The following NFATC4 variants were observed in gnomAD, a reference collection of about 807,000 sequenced individuals.
The protein encoded by NFATC4 is nuclear factor of activated T cells 4, also known as nuclear factor of activated T-cells, cytoplasmic 4.
In NFATC4, 25 loss-of-function variants were observed where a neutral mutation model predicts 73.4. That is an observed-to-expected ratio of 0.34 (90% CI 0.25 to 0.48). The LOEUF is 0.48. NFATC4 is among the 20% of genes least tolerant of loss of function. The probability of loss-of-function intolerance (pLI) is 0.99; values close to 1 mark genes in which losing one functional copy is unlikely to be tolerated. For missense variants in NFATC4, 1,130 were observed against 1,203.7 expected, an observed-to-expected ratio of 0.94 and a Z score of 0.91; for synonymous variants, 523 against 510.3, an observed-to-expected ratio of 1.02 and a Z score of -0.34.
At chr14:24,367,253 G>A, upstream of NFATC4, 1 of 1,608,638 alleles carries the variant, frequency 6.2e-7, no homozygotes, top group Non-Finnish European at 8.5e-7. Flanking sequence ...GGGGGGCCAA[G>A]GAGGGGGAAG....
upstream of NFATC4, chr14:24,367,085 G>T (rs778779140): frequency 3.7e-6 from 6 of 1,613,662 alleles, no homozygotes; most frequent in African/African-American, 5.3e-5. Flanking sequence ...TCTCCTACCC[G>T]CCAGCCTCGC....
At chr14:24,367,855 T>C (rs1371604819), upstream of NFATC4, among the ~76,000 whole-genome samples, 2 of 152,136 alleles carry the variant, frequency 1.3e-5, no homozygotes, top group Non-Finnish European at 2.9e-5. Flanking sequence ...ATGTGGCCCC[T>C]TTAAGGCTCT....
chr14:24,369,432 GAA>G, intron 1 of NFATC4, 65 bp from the exon 2 acceptor site: 2 of 1,609,696 alleles, frequency 1.2e-6, no homozygotes, highest in South Asian at 2.2e-5. Context: ...GCCACTCAAG[GAA>G]CATAGCCATC....
rs1318341864 is a variant in NFATC4, at chr14:24,373,889, C to A, written c.1732+22C>A. ...TGCTGTGAGCAAAGAGGCCCTGGGC[C>A]ATGTCTCTGTCTCTTGCAACTCTTT... On this transcript the variant is annotated intron_variant, in intron 5 of 9. Transcript: ENST00000250373. The surrounding 1 kb of genome is among the most constrained non-coding windows in gnomAD (Gnocchi z 4.7). The A allele has an allele frequency of 1.9e-6, 3 of 1,613,666 alleles. No homozygotes were observed. The highest frequency in any genetic ancestry group is 1.7e-6 in the Non-Finnish European group (2 of 1,179,900).
At chr14:24,367,827 C>G (rs1353279998), upstream of NFATC4, among the ~76,000 whole-genome samples, 1 of 152,224 alleles carries the variant, frequency 6.6e-6, no homozygotes, top group African/African-American at 2.4e-5. Flanking sequence ...CGTGGGCTCT[C>G]TACCCTGGGG....
chr14:24,370,741 T>C, intron 2 of NFATC4, 147 bp downstream of exon 2: 2 of 1,158,478 alleles, frequency 1.7e-6, no homozygotes, highest in Non-Finnish European at 2.4e-6. Context: ...GCCAACTACC[T>C]GGTTTTAAAG....
chr14:24,373,198 A>G lies in NFATC4; in HGVS notation c.1387A>G (p.Thr463Ala), dbSNP rs377224735. 5.0e-6 allele frequency: 8 copies of G among 1,614,138 alleles called. No homozygotes were observed. The highest frequency in any genetic ancestry group is 1.3e-5 in the African/African-American group (1 of 75,026). ...KLLGYSEKPL[T>A]LQMFIGTADE... ...CCTAGGCTACAGTGAGAAGCCACTG[A>G]CCCTACAGATGTTCATCGGCACTGC... is the stretch of plus-strand genomic sequence containing the variant. The change falls in exon 4 of 10, where the codon ACC (threonine) becomes GCC (alanine). Residue 463 changes from threonine to alanine, a missense_variant. This residue lies in a region of NFATC4 where 155 missense variants were observed against 221.2 expected (regional missense o/e 0.70). Transcript: ENST00000250373. This position sits in a 1 kb window ranked among gnomAD's most constrained non-coding sequence, Gnocchi z 4.7.
rs2042527615 is a variant in NFATC4 at position 24,373,442 on chromosome 14, C to T, written c.1559+72C>T. 1.3e-6 allele frequency: 2 copies of T among 1,540,390 alleles called. No individual in the cohort carries two copies. Among genetic ancestry groups the T allele is most frequent in the Admixed American group, 1.8e-5 (1 of 56,670 alleles). ...TTTCTCCACTGGGCCTATGCTAGCC[C>T]ACTTCTTCCTTTTCCCAGAAGAGGT... On this transcript the variant is annotated intron_variant, in intron 4 of 9. Transcript: ENST00000250373. This position sits in a 1 kb window ranked among gnomAD's most constrained non-coding sequence, Gnocchi z 4.7.
Position 24,376,868 on chromosome 14 carries a change from G to T in NFATC4, c.2631G>T (p.Thr877=), listed in dbSNP as rs368665121. 1 of 1,564,902 alleles carries T rather than the reference G, an allele frequency of 6.4e-7. No homozygotes were observed. Among genetic ancestry groups the T allele is most frequent in the Non-Finnish European group, 8.6e-7 (1 of 1,156,898 alleles). ...FRDSVPIQGI[T]LEEVSEIIGR... ...ACAGTGTCCCTATCCAGGGTATCAC[G>T]CTGGAGGAAGGTGGGTGTGGGACTG... The change falls in exon 9 of 10, where the codon ACG becomes ACT. Residue 877 remains threonine (T), a synonymous_variant. Transcript: ENST00000250373. This position sits in a 1 kb window ranked among gnomAD's most constrained non-coding sequence, Gnocchi z 5.0.
chr14:24,375,758 A>T, intron 7 of NFATC4, 43 bp downstream of exon 7: 2 of 745,586 alleles, frequency 2.7e-6, no homozygotes, highest in Non-Finnish European at 4.5e-6. Context: ...CGGGGGTGGG[A>T]GAAGGCAGGG....
Position 24,373,219 on chromosome 14 carries a change from A to G in NFATC4, c.1408A>G (p.Thr470Ala). The G allele has an allele frequency of 6.2e-7, 1 of 1,614,192 alleles. No homozygotes were observed. Among genetic ancestry groups the G allele is most frequent in the Non-Finnish European group, 8.5e-7 (1 of 1,180,052 alleles). Residue 470 changes from threonine to alanine, a missense_variant, in exon 4 of 10, where the codon ACT becomes GCT. Around this residue, in one of 3 missense-constraint regions of NFATC4, gnomAD observed 155 missense variants for 221.2 expected, o/e 0.70. Coordinates refer to ENST00000250373, the MANE Select transcript of NFATC4 (RefSeq NM_004554.5). The surrounding 1 kb of genome is among the most constrained non-coding windows in gnomAD (Gnocchi z 4.7). ...KPLTLQMFIGTADERNLRPHA... is the reference protein window; with the variant it reads ...KPLTLQMFIGAADERNLRPHA... The stretch of plus-strand genomic sequence containing the variant: ...ACTGACCCTACAGATGTTCATCGGC[A>G]CTGCAGATGAAAGGAACCTGCGGCC...
In NFATC4 at chr14:24,370,420, T is replaced by C. The variant is rs2042443081; in HGVS notation, c.1022T>C (p.Leu341Pro). Reference protein sequence around the residue: ...RRTSSEQAVALPRSEEPASCN... With the variant: ...RRTSSEQAVAPPRSEEPASCN... The stretch of plus-strand genomic sequence containing the variant: ...ACTTCCAGCGAGCAGGCAGTGGCTC[T>C]GCCTCGGTCTGAGGAGCCTGCCTCA... The change falls in exon 2 of 10, where the codon CTG becomes CCG. Residue 341 changes from leucine (L) to proline (P), a missense_variant. By Grantham distance (98) the Leu-to-Pro change is moderately conservative. Around this residue, in one of 3 missense-constraint regions of NFATC4, gnomAD observed 585 missense variants for 574.3 expected, o/e 1.02. Transcript: ENST00000250373. The C allele has an allele frequency of 1.9e-6, 3 of 1,613,982 alleles. No homozygotes were observed. Among genetic ancestry groups the C allele is most frequent in the African/African-American group, 1.3e-5 (1 of 74,932 alleles).
At position 24,370,181 on chromosome 14, in the gene NFATC4, G is replaced by T. The variant is rs149951436; in HGVS notation, c.783G>T (p.Arg261=). 2.5e-6 allele frequency: 4 copies of T among 1,605,774 alleles called. No individual in the cohort carries two copies. The East Asian group carries it at 8.9e-5, about 36-fold the overall frequency. Residue 261 remains arginine, a synonymous_variant, in exon 2 of 10, where the codon CGG becomes CGT. Coordinates refer to ENST00000250373, the MANE Select transcript of NFATC4 (RefSeq NM_004554.5). ...SAPGPTPASP[R]PASPCGKRRY... Reference sequence around the variant, plus strand: ...CTGGGCCCACCCCAGCCTCCCCGCGGCCTGCCTCTCCATGTGGCAAGCGGC... The same window carrying T: ...CTGGGCCCACCCCAGCCTCCCCGCGTCCTGCCTCTCCATGTGGCAAGCGGC...
rs775954580 is a variant in NFATC4, at chr14:24,376,854, A to G, written c.2617A>G (p.Ile873Val). Residue 873 changes from isoleucine to valine, a missense_variant, in exon 9 of 10, where the codon ATC (isoleucine) becomes GTC (valine). Ile to Val is a conservative substitution (Grantham distance 29). Around this residue, in one of 3 missense-constraint regions of NFATC4, gnomAD observed 390 missense variants for 408.1 expected, o/e 0.96. Transcript: ENST00000250373. The surrounding 1 kb of genome is among the most constrained non-coding windows in gnomAD (Gnocchi z 5.0). ...CAGCGGCTTCCGAGACAGTGTCCCT[A>G]TCCAGGGTATCACGCTGGAGGAAGG... ...YSSGFRDSVP[I>V]QGITLEEVSE... 2 of 1,585,342 alleles carry G rather than the reference A, an allele frequency of 1.3e-6. No homozygotes were observed. Among genetic ancestry groups the G allele is most frequent in the Non-Finnish European group, 1.7e-6 (2 of 1,166,642 alleles).
At chr14:24,369,462 T>TC (rs762350729) in intron 1 of NFATC4, 37 bp from the exon 2 acceptor site, 2 of 1,612,278 alleles carry the variant, frequency 1.2e-6, no homozygotes, top group East Asian at 4.5e-5. Context: ...CTTCTCTCTT[T>TC]CCCCCTCTCC....
Position 24,373,503 on chromosome 14 carries a change from C to T in NFATC4, c.1559+133C>T. 3.7e-6 allele frequency: 5 copies of T among 1,367,944 alleles called. 1 individual carries two copies. The South Asian group carries it at 6.9e-5, about 19-fold the overall frequency. The allele number at this position is 1,367,944 out of a possible 1,614,324, so 84.7% of individuals were successfully genotyped here. A position where few individuals can be genotyped will look rare whatever the true frequency, so the allele number is the denominator to read the frequency against. On this transcript the variant is annotated intron_variant, in intron 4 of 9. Transcript: ENST00000250373. The surrounding 1 kb of genome is among the most constrained non-coding windows in gnomAD (Gnocchi z 4.7). ...CCTAGGAGCTGGCTTCAGGCCTACC[C>T]ACCATCTGGAAGAGGACTTTTGGGG... is the stretch of plus-strand genomic sequence containing the variant.
rs978902180 is a variant in NFATC4 at position 24,372,523 on chromosome 14, G to A, written c.1279G>A (p.Ala427Thr). The change falls in exon 3 of 10, where the codon GCC (alanine) becomes ACC (threonine). Residue 427 changes from alanine to threonine, a missense_variant. Physicochemically the swap from Ala to Thr is moderately conservative, Grantham distance 58. Around this residue, in one of 3 missense-constraint regions of NFATC4, gnomAD observed 585 missense variants for 574.3 expected, o/e 1.02. Transcript: ENST00000250373. ...LELRIEVQPR[A>T]HHRAHYETEG... ...GCTGAGGATCGAGGTACAGCCTAGA[G>A]CCCACCACCGGGCCCACTATGAGAC... 3 of 1,614,100 alleles carry A rather than the reference G, an allele frequency of 1.9e-6. No individual in the cohort carries two copies. In the Admixed American group the frequency reaches 5.0e-5, roughly 27 times the overall value.
At chr14:24,372,759 A>C in intron 3 of NFATC4, 156 bp downstream of exon 3, 1 of 877,930 alleles carries the variant, frequency 1.1e-6, no homozygotes, top group East Asian at 2.6e-5. Context: ...GAGGGGTGCA[A>C]GGACCCGGAT....
chr14:24,374,963 CT>C (rs577047146), intron 6 of NFATC4, among the ~76,000 whole-genome samples: 15 of 149,184 alleles, frequency 1.0e-4, no homozygotes, highest in African/African-American at 1.5e-4. Context: ...TCCCTATATT[CT>C]TTTTTTTTTG....
Sources: allele counts gnomAD v4.1 joint callset (sites outside exome capture counted in the v4.1 genomes callset), GRCh38; gene constraint gnomAD v4.1.1; regional missense constraint gnomAD v4.1.1; non-coding constraint Gnocchi (gnomAD v3.1); transcripts MANE v1.5; gene names NCBI Gene and HGNC (gene_info 2026-07-23, HGNC 2026-07-21).